The following ELFN1 variants were observed in gnomAD, a reference collection of about 807,000 sequenced individuals.
ELFN1 encodes the protein extracellular leucine rich repeat and fibronectin type III domain containing 1, also known as protein ELFN1.
A neutral mutation model predicts 7.6 loss-of-function variants in ELFN1; 6 were observed. The ratio of observed to expected loss-of-function variants is 0.79; its 90% CI spans 0.43 to 1.56. The LOEUF (loss-of-function observed/expected upper bound fraction) is 1.56, where lower values mean the gene tolerates loss of function less well. Among genes scored for constraint, ELFN1 ranks in the 40% most tolerant of loss-of-function variants. The pLI is 0.01. For missense variants in ELFN1, 1,169 were observed against 1,232.2 expected (o/e 0.95, Z 0.77); for synonymous variants, 657 against 588.1 (o/e 1.12, Z -1.70).
intron 3 of ELFN1, among the ~76,000 whole-genome samples, chr7:1,714,632 C>G (rs114462138): frequency 0.012 from 1,763 of 152,306 alleles, 39 homozygotes; most frequent in African/African-American, 0.041. Context: ...CCAAGGCCTA[C>G]TATTGCTTTA....
At chr7:1,706,821 G>A (rs1243518859) in intron 2 of ELFN1, among the ~76,000 whole-genome samples, 1 of 152,244 alleles carries the variant, frequency 6.6e-6, no homozygotes, top group Non-Finnish European at 1.5e-5. Context: ...GGTGCCATGC[G>A]TTGGCAGATG....
chr7:1,672,682 C>T (rs184760073), intron 1 of ELFN1, among the ~76,000 whole-genome samples: 49 of 152,254 alleles, frequency 3.2e-4, no homozygotes, highest in African/African-American at 9.6e-4. Flanking sequence ...TCAGGAAAGC[C>T]TCCTTCTAAG....
In ELFN1 at chr7:1,746,234, C is replaced by T. The variant is rs774293588; in HGVS notation, c.1638C>T (p.Pro546=). The T allele has an allele frequency of 5.8e-5, 86 of 1,485,416 alleles. No individual in the cohort carries two copies. The highest frequency in any genetic ancestry group is 7.0e-5 in the Non-Finnish European group (78 of 1,118,916). The allele number at this position is 1,485,416 out of a possible 1,614,324, so 92.0% of individuals were successfully genotyped here. A position where few individuals can be genotyped will look rare whatever the true frequency, so the allele number is the denominator to read the frequency against. The change falls in exon 4 of 4, where the codon CCC becomes CCT. Residue 546 remains proline (P), a synonymous_variant. Transcript: ENST00000424383. ...ACTGTGAGCTGGGCCGGCCGGGCCCCGACAGCCAGAGTTCGGTGGCCGAGA... is the reference window on the plus strand; with the variant it reads ...ACTGTGAGCTGGGCCGGCCGGGCCCTGACAGCCAGAGTTCGGTGGCCGAGA... ...RRDCELGRPG[P]DSQSSVAEIS... is the part of the protein sequence containing the mutation.
chr7:1,744,545 C>G lies in ELFN1; in HGVS notation c.-52C>G, dbSNP rs929773654. ...CTCTGGGGGCTGGCGCCTGGCCCCC[C>G]ACCTGGTCCCCCTGGGCAGGCTGAA... On this transcript the variant is annotated 5_prime_UTR_variant, in exon 4 of 4. Coordinates refer to ENST00000424383, the MANE Select transcript of ELFN1 (RefSeq NM_001128636.4). 8.3e-6 allele frequency: 12 copies of G among 1,440,176 alleles called. No homozygotes were observed. Among genetic ancestry groups the G allele is most frequent in the South Asian group, 3.0e-5 (2 of 66,874 alleles). 89.2% of individuals were successfully genotyped at this position (1,440,176 alleles called of 1,614,324 possible).
At chr7:1,727,208 G>C (rs188715839) in intron 3 of ELFN1, among the ~76,000 whole-genome samples, 1 of 152,320 alleles carries the variant, frequency 6.6e-6, no homozygotes, top group Admixed American at 6.5e-5. Context: ...AGCACACGAG[G>C]GGGGTGGAGA....
At chr7:1,678,965 C>T (rs902608944) in intron 1 of ELFN1, among the ~76,000 whole-genome samples, 2 of 152,116 alleles carry the variant, frequency 1.3e-5, no homozygotes, top group African/African-American at 2.4e-5. Flanking sequence ...GTGCTCACCC[C>T]GAGGAACTGG....
chr7:1,681,271 G>A (rs1394548278), intron 1 of ELFN1, among the ~76,000 whole-genome samples: 4 of 152,208 alleles, frequency 2.6e-5, no homozygotes, highest in African/African-American at 4.8e-5. Context: ...TGTGTCCAGC[G>A]TGGGGCCATT....
In ELFN1 at chr7:1,670,595, G is replaced by A. The variant is rs1396640758; in HGVS notation, c.-549+241G>A. 3.9e-5 allele frequency among the ~76,000 whole-genome samples: 6 copies of A among 152,118 alleles called. No individual in the cohort carries two copies. Among genetic ancestry groups the A allele is most frequent in the Non-Finnish European group, 8.8e-5 (6 of 67,996 alleles). On this transcript the variant is annotated intron_variant, in intron 1 of 3. Transcript: ENST00000424383. This position sits in a 1 kb window ranked among gnomAD's most constrained non-coding sequence, Gnocchi z 6.4. ...AGGCTCAGCCCGACAAAGCCCGGGG[G>A]CCCGGGTCGGGGTCGCTGCCGCAGC... is the stretch of plus-strand genomic sequence containing the variant.
At chr7:1,671,795 G>A (rs1778772371) in intron 1 of ELFN1, among the ~76,000 whole-genome samples, 1 of 152,228 alleles carries the variant, frequency 6.6e-6, no homozygotes. Flanking sequence ...TCCCAGCCCA[G>A]GTTTGCGCCC....
chr7:1,708,745 T>C (rs867931914), intron 2 of ELFN1, among the ~76,000 whole-genome samples: 1 of 152,186 alleles, frequency 6.6e-6, no homozygotes, highest in Middle Eastern at 3.4e-3. Flanking sequence ...GCCCCACCTT[T>C]ACCCCAAACA....
rs1000394922 is a variant in ELFN1 at position 1,673,037 on chromosome 7, G to T, written c.-549+2683G>T. On this transcript the variant is annotated intron_variant, in intron 1 of 3. Transcript: ENST00000424383. This position sits in a 1 kb window ranked among gnomAD's most constrained non-coding sequence, Gnocchi z 4.7. The stretch of plus-strand genomic sequence containing the variant: ...AATTTCCAGGCGTGAACCTGGAGCG[G>T]ATGGTGGCACCGCCGCGGACATTGG... 3.9e-5 allele frequency among the ~76,000 whole-genome samples: 6 copies of T among 152,110 alleles called. No homozygotes were observed. The highest frequency in any genetic ancestry group is 1.4e-4 in the African/African-American group (6 of 41,422).
chr7:1,723,591 C>T (rs143373415), intron 3 of ELFN1, among the ~76,000 whole-genome samples: 124 of 152,348 alleles, frequency 8.1e-4, no homozygotes, highest in African/African-American at 2.8e-3. Flanking sequence ...GCCCTGTCAC[C>T]ATTATAAACA....
intron 1 of ELFN1, among the ~76,000 whole-genome samples, chr7:1,674,869 G>T (rs893433123): frequency 2.0e-5 from 3 of 152,142 alleles, no homozygotes; most frequent in African/African-American, 7.2e-5. Context: ...GCCCGGGCCA[G>T]CCCAGCCATC....
intron 2 of ELFN1, among the ~76,000 whole-genome samples, chr7:1,690,294 G>A (rs919484835): frequency 6.6e-6 from 1 of 151,766 alleles, no homozygotes; most frequent in Non-Finnish European, 1.5e-5. Flanking sequence ...TAGGTGGATG[G>A]GTGGATGGGT....
chr7:1,720,290 C>T lies in ELFN1; in HGVS notation c.-294+11038C>T, dbSNP rs977019889. Among the ~76,000 whole-genome samples the T allele has an allele frequency of 2.6e-5, 4 of 152,288 alleles. 1 individual carries two copies. Among genetic ancestry groups the T allele is most frequent in the Admixed American group, 6.5e-5 (1 of 15,306 alleles). On this transcript the variant is annotated intron_variant, in intron 3 of 3. Transcript: ENST00000424383. ...GTGGGAAGACGAAGATGGGAACAGCCGGTGGGCAGACGTCTCCACAGTGGG... is the reference window on the plus strand; with the variant it reads ...GTGGGAAGACGAAGATGGGAACAGCTGGTGGGCAGACGTCTCCACAGTGGG...
chr7:1,726,231 A>G (rs988986420), intron 3 of ELFN1, among the ~76,000 whole-genome samples: 1 of 152,092 alleles, frequency 6.6e-6, no homozygotes, highest in Non-Finnish European at 1.5e-5. Flanking sequence ...CCCGGCCACT[A>G]TGCTGGGATG....
At position 1,746,468 on chromosome 7, in the gene ELFN1, G is replaced by A; in HGVS notation, c.1872G>A (p.Leu624=). 2 of 1,521,010 alleles carry A rather than the reference G, an allele frequency of 1.3e-6. No individual in the cohort carries two copies. The highest frequency in any genetic ancestry group is 1.8e-6 in the Non-Finnish European group (2 of 1,139,482). 94.2% of individuals were successfully genotyped at this position (1,521,010 alleles called of 1,614,324 possible). A position where few individuals can be genotyped will look rare whatever the true frequency, so the allele number is the denominator to read the frequency against. Reference sequence around the variant, plus strand: ...ACAAGGACGCCTTCGGCCACAGCCTGCAGCGGCACCACAGCGTGGAGGCCG... The same window carrying A: ...ACAAGGACGCCTTCGGCCACAGCCTACAGCGGCACCACAGCGTGGAGGCCG... ...PGYKDAFGHS[L]QRHHSVEAAG... is the part of the protein sequence containing the mutation. The change falls in exon 4 of 4, where the codon CTG becomes CTA. Residue 624 remains leucine (L), a synonymous_variant. Coordinates refer to ENST00000424383, the MANE Select transcript of ELFN1 (RefSeq NM_001128636.4).
At chr7:1,743,863 G>A (rs113918344) in intron 3 of ELFN1, among the ~76,000 whole-genome samples, 12 of 152,180 alleles carry the variant, frequency 7.9e-5, no homozygotes, top group Non-Finnish European at 1.6e-4. Context: ...GCAGCCAGCC[G>A]GCGGAAGCCC....
chr7:1,744,059 C>G (rs897344150), intron 3 of ELFN1, among the ~76,000 whole-genome samples: 1 of 152,150 alleles, frequency 6.6e-6, no homozygotes, highest in African/African-American at 2.4e-5. Flanking sequence ...GGCCGAGAGC[C>G]GAGGAGACCC....
Sources: gnomAD v4.1 joint callset for allele counts (sites outside exome capture counted in the v4.1 genomes callset) on GRCh38, gnomAD v4.1.1 for gene constraint, Gnocchi (gnomAD v3.1) non-coding constraint, MANE v1.5 for transcripts, NCBI Gene and HGNC (gene_info 2026-07-23, HGNC 2026-07-21) for gene names.